Variants in FMN1 observed in about 807,000 individuals in gnomAD.
FMN1 encodes formin 1.
A neutral mutation model predicts 132.4 loss-of-function variants in FMN1; 110 were observed. The observed-to-expected ratio is 0.83, with a 90% confidence interval of 0.71 to 0.97. The LOEUF (loss-of-function observed/expected upper bound fraction) is 0.97. Ranked by LOEUF, FMN1 falls within the 50% of genes least tolerant of loss-of-function variation. The pLI, the probability that FMN1 is intolerant of heterozygous loss-of-function variation, is 0.00. For missense variants in FMN1, 1,792 were observed against 1,705.3 expected, an observed-to-expected ratio of 1.05 and a Z score of -0.90; for synonymous variants, 722 against 651.7, an observed-to-expected ratio of 1.11 and a Z score of -1.64.
At chr15:33,128,870 C>G (rs909547782) in intron 4 of FMN1, among the ~76,000 whole-genome samples, 4 of 152,182 alleles carry the variant, frequency 2.6e-5, no homozygotes, top group African/African-American at 9.7e-5. Flanking sequence ...CAGAGGCCTG[C>G]GTGCGTGGCC....
rs1174421817 is a variant in FMN1, at chr15:33,065,009, G to A, written c.2109C>T (p.Pro703=). The change falls in exon 6 of 21, where the codon CCC becomes CCT. Residue 703 remains proline (P), a synonymous_variant. Coordinates refer to ENST00000616417, the MANE Select transcript of FMN1 (RefSeq NM_001277313.2). The part of the protein sequence containing the change: ...TPGRLQAVWP[P]PKTKDTEEKV... Reference sequence around the variant, plus strand: ...TTTCTTCTGTGTCTTTTGTCTTTGGGGGTGGCCAGACAGCTTGAAGTCTGC... The same window carrying A: ...TTTCTTCTGTGTCTTTTGTCTTTGGAGGTGGCCAGACAGCTTGAAGTCTGC... The A allele has an allele frequency of 1.1e-5, 18 of 1,612,084 alleles. No individual in the cohort carries two copies. Among genetic ancestry groups the A allele is most frequent in the Non-Finnish European group, 1.5e-5 (18 of 1,179,070 alleles).
chr15:32,973,697 A>C (rs1308575732), intron 7 of FMN1, among the ~76,000 whole-genome samples: 1 of 152,164 alleles, frequency 6.6e-6, no homozygotes, highest in Non-Finnish European at 1.5e-5. Flanking sequence ...AAGTGATTAA[A>C]GTAATAAGCA....
At chr15:32,799,543 A>G (rs2057407274) in intron 18 of FMN1, among the ~76,000 whole-genome samples, 1 of 152,246 alleles carries the variant, frequency 6.6e-6, no homozygotes, top group South Asian at 2.1e-4. Flanking sequence ...TTAAAGCTTA[A>G]TATGATACAA....
intron 4 of FMN1, among the ~76,000 whole-genome samples, chr15:33,098,753 GCTA>G (rs2039180379): frequency 6.6e-6 from 1 of 152,122 alleles, no homozygotes; most frequent in Admixed American, 6.5e-5. Context: ...TTTGGAGATG[GCTA>G]CTTTCTTCTA....
chr15:32,901,862 C>T lies in FMN1; in HGVS notation c.3507+49G>A, dbSNP rs570273419. The T allele has an allele frequency of 7.2e-6, 11 of 1,526,518 alleles. No homozygotes were observed. The East Asian group carries it at 2.1e-4, about 29-fold the overall frequency. 94.6% of individuals were successfully genotyped at this position (1,526,518 alleles called of 1,614,324 possible). ...TTAAAGTGGTCTCTCCCACTTTCTTCTTTACTCTTCAGAGCAAGGCTATCT... is the reference window on the plus strand; with the variant it reads ...TTAAAGTGGTCTCTCCCACTTTCTTTTTTACTCTTCAGAGCAAGGCTATCT... On this transcript the variant is annotated intron_variant, in intron 13 of 20. Transcript: ENST00000616417.
intron 11 of FMN1, 130 bp downstream of exon 11, chr15:32,910,344 G>A: frequency 1.4e-6 from 1 of 690,722 alleles, no homozygotes. Flanking sequence ...ATTCAAGCTT[G>A]TGTTTCTATG....
chr15:33,079,019 T>C (rs2038341758), intron 5 of FMN1, among the ~76,000 whole-genome samples: 1 of 152,142 alleles, frequency 6.6e-6, no homozygotes, highest in Admixed American at 6.5e-5. Flanking sequence ...TTAGAGAAAA[T>C]AAAGTATTTT....
Position 33,153,452 on chromosome 15 carries a change from T to A in FMN1, c.1463A>T (p.Asp488Val). ...TGCTGGTGGGGATGGCTTCTTCTTA[T>A]CACCTCTGGGTTGTGAGGAGTCAGG... ...VGPDSSQPRG[D>V]KKKPSPPAPA... The change falls in exon 4 of 21, where the codon GAT becomes GTT. Residue 488 changes from aspartate to valine, a missense_variant. By Grantham distance (152) the Asp-to-Val change is radical. Around this residue, in one of 3 missense-constraint regions of FMN1, gnomAD observed 638 missense variants for 645.2 expected, o/e 0.99. Transcript: ENST00000616417. The A allele has an allele frequency of 6.5e-7, 1 of 1,536,768 alleles. No homozygotes were observed. Among genetic ancestry groups the A allele is most frequent in the Non-Finnish European group, 8.7e-7 (1 of 1,147,010 alleles).
chr15:32,915,382 T>C (rs1172376553), intron 10 of FMN1, among the ~76,000 whole-genome samples: 1 of 152,264 alleles, frequency 6.6e-6, no homozygotes. Context: ...TATTAGCCAT[T>C]ACATAAGCCC....
intron 16 of FMN1, chr15:32,860,873 G>C (rs1037623698): frequency 3.3e-5 from 5 of 152,152 alleles, no homozygotes; most frequent in African/African-American, 9.7e-5. Context: ...CTCATCCCAT[G>C]AGTCATAAGC....
intron 17 of FMN1, among the ~76,000 whole-genome samples, chr15:32,805,211 G>A (rs1270339190): frequency 4.6e-5 from 7 of 152,204 alleles, no homozygotes; most frequent in Admixed American, 2.0e-4. Context: ...TAACTGGAGT[G>A]AGATGGTGTG....
At chr15:33,014,214 T>A (rs939342196) in intron 6 of FMN1, among the ~76,000 whole-genome samples, 1 of 152,226 alleles carries the variant, frequency 6.6e-6, no homozygotes, top group African/African-American at 2.4e-5. Flanking sequence ...GGTTACAGAA[T>A]AATGTCCATG....
At chr15:32,900,151 C>G in intron 13 of FMN1, 26 bp from the exon 14 acceptor site, 2 of 1,612,510 alleles carry the variant, frequency 1.2e-6, no homozygotes, top group South Asian at 2.2e-5. Flanking sequence ...CCAGTTATTA[C>G]GGAGCTGAAC....
intron 17 of FMN1, among the ~76,000 whole-genome samples, chr15:32,848,478 T>C (rs928825258): frequency 1.3e-5 from 2 of 152,208 alleles, no homozygotes; most frequent in Non-Finnish European, 2.9e-5. Context: ...AAGGCAGCCA[T>C]AGGAAACAAA....
chr15:32,890,898 T>C (rs188213853), intron 15 of FMN1, among the ~76,000 whole-genome samples: 15 of 152,314 alleles, frequency 9.8e-5, no homozygotes, highest in East Asian at 3.9e-4. Flanking sequence ...CCTTAATCCA[T>C]TGAGTTGATT....
At chr15:32,825,626 C>T (rs1486529074) in intron 17 of FMN1, among the ~76,000 whole-genome samples, 1 of 152,212 alleles carries the variant, frequency 6.6e-6, no homozygotes, top group Non-Finnish European at 1.5e-5. Flanking sequence ...GTCTCTTGCG[C>T]TTGCTAATTA....
intron 3 of FMN1, among the ~76,000 whole-genome samples, chr15:33,166,197 C>T (rs929024280): frequency 8.5e-5 from 13 of 152,134 alleles, no homozygotes; most frequent in Non-Finnish European, 1.6e-4. Flanking sequence ...CAAGAAATTT[C>T]AAAGCGACTT....
intron 12 of FMN1, among the ~76,000 whole-genome samples, chr15:32,906,995 C>G (rs1182596291): frequency 6.6e-6 from 1 of 152,112 alleles, no homozygotes; most frequent in African/African-American, 2.4e-5. Context: ...CCATCCTCAG[C>G]CATTTAAGAT....
At chr15:33,123,941 A>C (rs1488011622) in intron 4 of FMN1, among the ~76,000 whole-genome samples, 5 of 152,250 alleles carry the variant, frequency 3.3e-5, no homozygotes, top group Non-Finnish European at 7.3e-5. Flanking sequence ...ATGGTATCAA[A>C]GATAATCATT....
Sources: gnomAD v4.1 joint callset for allele counts (sites outside exome capture counted in the v4.1 genomes callset) on GRCh38, gnomAD v4.1.1 for gene constraint, gnomAD v4.1.1 regional missense constraint, MANE v1.5 for transcripts, NCBI Gene and HGNC (gene_info 2026-07-23, HGNC 2026-07-21) for gene names.